ZDHHC14: variants seen among roughly 807,000 people sequenced by gnomAD.
The protein encoded by ZDHHC14 is zDHHC palmitoyltransferase 14, also known as palmitoyltransferase ZDHHC14.
Under a neutral mutation model 47.7 loss-of-function variants are expected in ZDHHC14, and 16 were observed. The ratio of observed to expected loss-of-function variants is 0.34; its 90% confidence interval spans 0.23 to 0.51. The LOEUF (loss-of-function observed/expected upper bound fraction) is 0.51. Among genes scored for constraint, ZDHHC14 ranks in the 20% least tolerant of loss-of-function variants. ZDHHC14 has a pLI of 0.97. For missense variants in ZDHHC14, 515 were observed against 662.5 expected (o/e 0.78, Z 2.44); for synonymous variants, 293 against 278.9 (o/e 1.05, Z -0.50).
intron 1 of ZDHHC14, among the ~76,000 whole-genome samples, chr6:157,406,164 T>C (rs1777757314): frequency 6.6e-6 from 1 of 152,194 alleles, no homozygotes; most frequent in Non-Finnish European, 1.5e-5. Flanking sequence ...CCACCAGGCC[T>C]GAGGCCCTGA....
At chr6:157,496,506 C>T (rs1307057912) in intron 1 of ZDHHC14, among the ~76,000 whole-genome samples, 1 of 152,160 alleles carries the variant, frequency 6.6e-6, no homozygotes, top group East Asian at 1.9e-4. Context: ...AAAATGTATT[C>T]ATATGGGTAG....
intron 1 of ZDHHC14, among the ~76,000 whole-genome samples, chr6:157,510,294 C>T (rs538240021): frequency 6.6e-6 from 1 of 152,258 alleles, no homozygotes; most frequent in Admixed American, 6.5e-5. Context: ...TTCAGCTGCA[C>T]ACTTGCCACT....
At chr6:157,648,367 C>T (rs602890) in intron 7 of ZDHHC14, among the ~76,000 whole-genome samples, 66,379 of 151,874 alleles carry the variant, frequency 0.44, 15,977 homozygotes, top group Admixed American at 0.54. Flanking sequence ...TACCGATATG[C>T]GCTTGTGGAA....
At chr6:157,403,786 A>T (rs1018793076) in intron 1 of ZDHHC14, among the ~76,000 whole-genome samples, 1 of 152,228 alleles carries the variant, frequency 6.6e-6, no homozygotes, top group Admixed American at 6.5e-5. Context: ...CATAACATAG[A>T]CGCTGCCACC....
chr6:157,563,475 G>A (rs147391086), intron 2 of ZDHHC14, among the ~76,000 whole-genome samples: 5,532 of 152,268 alleles, frequency 0.036, 139 homozygotes, highest in Non-Finnish European at 0.056. Flanking sequence ...GTTGAAAGTG[G>A]GAGTGTGTGC....
At chr6:157,519,752 G>T (rs917409393) in intron 1 of ZDHHC14, among the ~76,000 whole-genome samples, 1 of 152,088 alleles carries the variant, frequency 6.6e-6, no homozygotes, top group African/African-American at 2.4e-5. Flanking sequence ...TCGTTTTTTT[G>T]TTGTTTGTTT....
chr6:157,564,008 G>T (rs1394694511), intron 2 of ZDHHC14, among the ~76,000 whole-genome samples: 1 of 152,216 alleles, frequency 6.6e-6, no homozygotes, highest in African/African-American at 2.4e-5. Flanking sequence ...AGCCTACCAG[G>T]TTTCACTCTG....
intron 2 of ZDHHC14, among the ~76,000 whole-genome samples, chr6:157,563,892 G>T (rs561746130): frequency 1.3e-5 from 2 of 152,220 alleles, no homozygotes; most frequent in African/African-American, 2.4e-5. Flanking sequence ...TGGGCTCATA[G>T]GCTTCAGGCT....
intron 1 of ZDHHC14, among the ~76,000 whole-genome samples, chr6:157,514,841 A>G (rs904780090): frequency 2.6e-5 from 4 of 152,130 alleles, no homozygotes; most frequent in Non-Finnish European, 5.9e-5. Flanking sequence ...TTCCAGGAGT[A>G]TGGGGGTGCT....
chr6:157,599,417 C>T (rs757429372), intron 3 of ZDHHC14, among the ~76,000 whole-genome samples: 11 of 152,212 alleles, frequency 7.2e-5, no homozygotes, highest in Non-Finnish European at 1.5e-4. Context: ...ACCACAACTC[C>T]GGATTCAGAC....
chr6:157,411,352 G>T (rs753249175), intron 1 of ZDHHC14, among the ~76,000 whole-genome samples: 7 of 152,190 alleles, frequency 4.6e-5, no homozygotes, highest in East Asian at 3.8e-4. Context: ...GGCTGTAAGG[G>T]CAGTAAGGAG....
At chr6:157,607,959 C>T (rs1445727132) in intron 3 of ZDHHC14, among the ~76,000 whole-genome samples, 1 of 152,202 alleles carries the variant, frequency 6.6e-6, no homozygotes, top group African/African-American at 2.4e-5. Flanking sequence ...TTGGCTCTCA[C>T]AAGTTAAATT....
chr6:157,449,032 G>C (rs1477861440), intron 1 of ZDHHC14, among the ~76,000 whole-genome samples: 6 of 152,206 alleles, frequency 3.9e-5, no homozygotes, highest in Non-Finnish European at 8.8e-5. Flanking sequence ...GGCCGAGAGT[G>C]AAGGTATTCT....
At chr6:157,382,404 T>G in intron 1 of ZDHHC14, 138 bp downstream of exon 1, 1 of 1,087,420 alleles carries the variant, frequency 9.2e-7, no homozygotes, top group Non-Finnish European at 1.3e-6. Context: ...CGCTCCCTCT[T>G]TTTTCTTTTA....
chr6:157,487,143 G>A (rs150264046), intron 1 of ZDHHC14, among the ~76,000 whole-genome samples: 1,741 of 152,330 alleles, frequency 0.011, 36 homozygotes, highest in African/African-American at 0.041. Flanking sequence ...CTAAGGCTGG[G>A]GGATGTAGAA....
chr6:157,512,284 G>T (rs930824787), intron 1 of ZDHHC14, among the ~76,000 whole-genome samples: 1 of 152,212 alleles, frequency 6.6e-6, no homozygotes, highest in South Asian at 2.1e-4. Context: ...CCTGGATGCC[G>T]CTGGGGGGCC....
At chr6:157,560,995 G>T (rs1782685566) in intron 2 of ZDHHC14, among the ~76,000 whole-genome samples, 1 of 152,214 alleles carries the variant, frequency 6.6e-6, no homozygotes. Context: ...TGTTTGGAAT[G>T]GAAGCCCATA....
At position 157,653,595 on chromosome 6, in the gene ZDHHC14, A is replaced by T; in HGVS notation, c.1036A>T (p.Met346Leu). 1.2e-6 allele frequency: 2 copies of T among 1,613,886 alleles called. No homozygotes were observed. Among genetic ancestry groups the T allele is most frequent in the Non-Finnish European group, 1.7e-6 (2 of 1,179,970 alleles). ...AGCAGCACCCTCCAATGGCATCACC[A>T]TGTACGGGGCCACGCAGTCACAGAG... ...QPAAPSNGIT[M>L]YGATQSQSDM... Residue 346 changes from methionine (M) to leucine (L), a missense_variant, in exon 8 of 9, where the codon ATG (methionine) becomes TTG (leucine). By Grantham distance (15) the Met-to-Leu change is conservative. Coordinates refer to ENST00000359775, the MANE Select transcript of ZDHHC14 (RefSeq NM_024630.3).
intron 2 of ZDHHC14, among the ~76,000 whole-genome samples, chr6:157,584,133 C>G (rs1317464024): frequency 3.9e-5 from 6 of 152,052 alleles, no homozygotes; most frequent in Admixed American, 3.9e-4. Flanking sequence ...CCGAGGAGAT[C>G]TCGGTTGCCT....
Sources: gnomAD v4.1 joint callset for allele counts (sites outside exome capture counted in the v4.1 genomes callset) on GRCh38, gnomAD v4.1.1 for gene constraint, MANE v1.5 for transcripts, NCBI Gene and HGNC (gene_info 2026-07-23, HGNC 2026-07-21) for gene names.